Variants in TSPAN4 observed in about 807,000 individuals in gnomAD.
TSPAN4 encodes tetraspanin-4.
TSPAN4 carries 38 observed loss-of-function variants against 31.5 expected under a neutral mutation model. That is an observed-to-expected ratio of 1.21 (90% confidence interval 0.93 to 1.58). The LOEUF is 1.58. Ranked by LOEUF, TSPAN4 falls within the 40% of genes most tolerant of loss-of-function variation. The pLI is 0.00. For missense variants in TSPAN4, 330 were observed against 317.3 expected, an observed-to-expected ratio of 1.04 and a Z score of -0.30; for synonymous variants, 186 against 144.6, an observed-to-expected ratio of 1.29 and a Z score of -2.06.
At chr11:852,711 G>A (rs539134638) in intron 3 of TSPAN4, among the ~76,000 whole-genome samples, 1 of 152,344 alleles carries the variant, frequency 6.6e-6, no homozygotes, top group East Asian at 1.9e-4. Flanking sequence ...TTCCTTTTGG[G>A]GGTGCCAGCC....
At chr11:864,863 C>G in intron 5 of TSPAN4, 1 of 357,868 alleles carries the variant, frequency 2.8e-6, no homozygotes, top group Non-Finnish European at 5.2e-6. Flanking sequence ...TTCTTGGTCA[C>G]TCACTCATAT....
chr11:856,042 A>G (rs1338682371), intron 3 of TSPAN4, among the ~76,000 whole-genome samples: 1 of 152,182 alleles, frequency 6.6e-6, no homozygotes, highest in Non-Finnish European at 1.5e-5. Flanking sequence ...CAAGGCCTAC[A>G]GGAGGCTCAA....
At chr11:851,011 A>AG (rs1847666547) in intron 3 of TSPAN4, among the ~76,000 whole-genome samples, 1 of 152,130 alleles carries the variant, frequency 6.6e-6, no homozygotes, top group Non-Finnish European at 1.5e-5. Flanking sequence ...ACTTTTGCGG[A>AG]GGTGGGGTCA....
At chr11:865,426 G>A in intron 5 of TSPAN4, 87 bp from the exon 6 acceptor site, 1 of 1,075,010 alleles carries the variant, frequency 9.3e-7, no homozygotes, top group African/African-American at 1.6e-5. Flanking sequence ...CGCAGGAGGG[G>A]CCCAGCTTAG....
Position 865,948 on chromosome 11 carries a change from C to T in TSPAN4, c.595C>T (p.Gln199Ter), listed in dbSNP as rs756033722. 3.8e-5 allele frequency: 61 copies of T among 1,612,710 alleles called. No homozygotes were observed. The highest frequency in any genetic ancestry group is 5.2e-5 in the Non-Finnish European group (61 of 1,179,996). ...CTACGAGACGGTGAAGGTGTGGCTT[C>T]AGGAGAACCTGCTGGCTGTGGGCAT... is the stretch of plus-strand genomic sequence containing the variant. ...PCYETVKVWL[Q>*]ENLLAVGIFG... The change falls in exon 8 of 9, where the codon CAG becomes TAG. Residue 199 changes from glutamine to a stop codon, truncating the protein, a stop_gained. Transcript: ENST00000397397. LOFTEE classifies it high-confidence loss of function.
chr11:847,551 TG>T (rs1847386132), intron 2 of TSPAN4, among the ~76,000 whole-genome samples: 1 of 152,104 alleles, frequency 6.6e-6, no homozygotes, highest in African/African-American at 2.4e-5. Flanking sequence ...TGACTGCGTC[TG>T]GGCAACCCAG....
In TSPAN4 at chr11:848,268, A is replaced by T; in HGVS notation, c.-18+968A>T. On this transcript the variant is annotated intron_variant, in intron 2 of 8. Transcript: ENST00000397397. The surrounding 1 kb of genome is among the most constrained non-coding windows in gnomAD (Gnocchi z 5.7). ...CGATGCGTGGCCGCCGTTCTGACCC[A>T]TTCCTGGGGCCCAGACCCACCAAAG... Among the ~76,000 whole-genome samples the T allele has an allele frequency of 6.6e-6, 1 of 152,078 alleles. No homozygotes were observed. The highest frequency in any genetic ancestry group is 1.5e-5 in the Non-Finnish European group (1 of 67,992).
chr11:858,670 C>G (rs1323280987), intron 3 of TSPAN4: 1 of 154,140 alleles, frequency 6.5e-6, no homozygotes, highest in Non-Finnish European at 1.4e-5. Context: ...CCAGTTCCCA[C>G]GCACCCCAGG....
chr11:862,494 C>T, intron 3 of TSPAN4, 56 bp from the exon 4 acceptor site: 2 of 1,494,078 alleles, frequency 1.3e-6, no homozygotes, highest in Non-Finnish European at 9.0e-7. Flanking sequence ...CCCTGGGGTC[C>T]AGAGCTTGCA....
At chr11:847,531 C>G (rs1847384541) in intron 2 of TSPAN4, among the ~76,000 whole-genome samples, 1 of 152,130 alleles carries the variant, frequency 6.6e-6, no homozygotes, top group Admixed American at 6.5e-5. Context: ...CTGTGCCTTG[C>G]CCGGGCCCCT....
At chr11:856,520 G>A (rs935887145) in intron 3 of TSPAN4, among the ~76,000 whole-genome samples, 17 of 152,354 alleles carry the variant, frequency 1.1e-4, no homozygotes, top group South Asian at 6.2e-4. Flanking sequence ...GTCATGGGGC[G>A]GGGTCAACCT....
chr11:854,594 G>A (rs1383107493), intron 3 of TSPAN4, among the ~76,000 whole-genome samples: 1 of 152,228 alleles, frequency 6.6e-6, no homozygotes, highest in Non-Finnish European at 1.5e-5. Flanking sequence ...GGGCTGTCCT[G>A]GCTCTGCGCT....
In TSPAN4 at chr11:853,439, C is replaced by T. The variant is rs943484864; in HGVS notation, c.63+3072C>T. Among the ~76,000 whole-genome samples the T allele has an allele frequency of 3.9e-5, 6 of 152,074 alleles. No homozygotes were observed. In the East Asian group the frequency reaches 5.8e-4, roughly 15 times the overall value. On this transcript the variant is annotated intron_variant, in intron 3 of 8. Transcript: ENST00000397397. Reference sequence around the variant, plus strand: ...CGGCCTGGGGCAGCCTGGGGGCCTACCTGGGAGGGGAAGGGAGGGGCTCGC... The same window carrying T: ...CGGCCTGGGGCAGCCTGGGGGCCTATCTGGGAGGGGAAGGGAGGGGCTCGC...
intron 3 of TSPAN4, among the ~76,000 whole-genome samples, chr11:856,293 C>T (rs968637613): frequency 6.6e-6 from 1 of 152,182 alleles, no homozygotes; most frequent in Non-Finnish European, 1.5e-5. Context: ...GTCTGATGGA[C>T]TGAGCCTGGG....
intron 3 of TSPAN4, 69 bp from the exon 4 acceptor site, chr11:862,481 C>G (rs1848510707): frequency 7.0e-7 from 1 of 1,419,858 alleles, no homozygotes. Context: ...GGGCCGGGCT[C>G]TGCCCTGGGG....
Position 862,084 on chromosome 11 carries a change from C to T in TSPAN4, c.64-466C>T, listed in dbSNP as rs368288209. On this transcript the variant is annotated intron_variant, in intron 3 of 8. Coordinates refer to ENST00000397397, the MANE Select transcript of TSPAN4 (RefSeq NM_003271.5). ...GACCACCTGCCAGGAAGCCCCATCC[C>T]GGAGTGAGGGCAGGGCTGGGTCTCC... Among the ~76,000 whole-genome samples, 28 of 152,346 alleles carry T rather than the reference C, an allele frequency of 1.8e-4. No homozygotes were observed. The East Asian group carries it at 2.3e-3, about 13-fold the overall frequency.
At chr11:849,469 A>G (rs1261292920) in intron 2 of TSPAN4, among the ~76,000 whole-genome samples, 1 of 152,030 alleles carries the variant, frequency 6.6e-6, no homozygotes, top group African/African-American at 2.4e-5. Context: ...GAGGTCTCCA[A>G]GCCCGGCCCG....
intron 3 of TSPAN4, among the ~76,000 whole-genome samples, chr11:850,612 C>G (rs1475399462): frequency 1.3e-5 from 2 of 150,730 alleles, no homozygotes; most frequent in Non-Finnish European, 2.9e-5. Flanking sequence ...CCCTGGTCCC[C>G]TCTCCTCTCC....
intron 4 of TSPAN4, chr11:863,830 G>A (rs563824851): frequency 1.0e-3 from 157 of 157,528 alleles, no homozygotes; most frequent in Middle Eastern, 6.7e-3. Flanking sequence ...ACCCCCGCAT[G>A]GAGGAGCAGC....
Sources: gnomAD v4.1 joint callset for allele counts (sites outside exome capture counted in the v4.1 genomes callset) on GRCh38, gnomAD v4.1.1 for gene constraint, Gnocchi (gnomAD v3.1) non-coding constraint, MANE v1.5 for transcripts, NCBI Gene and HGNC (gene_info 2026-07-23, HGNC 2026-07-21) for gene names.